FER: variants seen among roughly 807,000 people sequenced by gnomAD.
The protein encoded by FER is tyrosine-protein kinase Fer.
A neutral mutation model predicts 111.0 loss-of-function variants in FER; 63 were observed. The observed-to-expected ratio is 0.57, with a 90% confidence interval of 0.46 to 0.70. FER has a LOEUF of 0.70. Among genes scored for constraint, FER ranks in the 30% least tolerant of loss-of-function variants. FER has a pLI of 0.00. For synonymous variants in FER, 327 were observed against 313.9 expected, an observed-to-expected ratio of 1.04 and a Z score of -0.44; for missense variants, 914 against 954.0, an observed-to-expected ratio of 0.96 and a Z score of 0.55.
At chr5:108,773,219 G>C (rs890857450) in intron 2 of FER, among the ~76,000 whole-genome samples, 1 of 152,116 alleles carries the variant, frequency 6.6e-6, no homozygotes, top group African/African-American at 2.4e-5. Context: ...GGTTACATGT[G>C]CAGGATGTGC....
At chr5:109,001,937 G>T (rs182334484) in intron 13 of FER, among the ~76,000 whole-genome samples, 1,657 of 152,148 alleles carry the variant, frequency 0.011, 32 homozygotes, top group African/African-American at 0.037. Flanking sequence ...GGGATGTGAA[G>T]GAGAACTACA....
At chr5:109,169,430 G>A (rs75593347) in intron 17 of FER, among the ~76,000 whole-genome samples, 3,997 of 152,078 alleles carry the variant, frequency 0.026, 199 homozygotes, top group African/African-American at 0.09. Context: ...TCTACACTGC[G>A]AGCAATCATA....
At chr5:108,762,757 T>A (rs1751902852) in intron 1 of FER, among the ~76,000 whole-genome samples, 1 of 152,182 alleles carries the variant, frequency 6.6e-6, no homozygotes, top group Admixed American at 6.5e-5. Flanking sequence ...CACACAGGCC[T>A]CCTTGTTTTT....
intron 16 of FER, among the ~76,000 whole-genome samples, chr5:109,085,453 G>A (rs979838031): frequency 5.5e-5 from 8 of 144,802 alleles, no homozygotes; most frequent in Non-Finnish European, 9.2e-5. Flanking sequence ...CAAATCTGGT[G>A]GATTTTTTTT....
At chr5:108,763,813 T>G (rs1240495417) in intron 1 of FER, among the ~76,000 whole-genome samples, 1 of 152,204 alleles carries the variant, frequency 6.6e-6, no homozygotes, top group Non-Finnish European at 1.5e-5. Context: ...TATATCTATT[T>G]ACATCTGAAC....
chr5:108,917,021 A>G (rs1752358665), intron 10 of FER, among the ~76,000 whole-genome samples: 1 of 152,144 alleles, frequency 6.6e-6, no homozygotes, highest in African/African-American at 2.4e-5. Flanking sequence ...TTTCATTCAT[A>G]TAATTGTCTT....
chr5:109,080,133 A>G (rs1205385086), intron 16 of FER, among the ~76,000 whole-genome samples: 1 of 152,150 alleles, frequency 6.6e-6, no homozygotes, highest in African/African-American at 2.4e-5. Context: ...CTTGCTCATT[A>G]AACTTATATG....
At chr5:108,813,301 C>A (rs1757952447) in intron 3 of FER, among the ~76,000 whole-genome samples, 1 of 152,080 alleles carries the variant, frequency 6.6e-6, no homozygotes, top group South Asian at 2.1e-4. Context: ...CCTCTGGCTG[C>A]ACTTAAGGTT....
At chr5:108,970,100 A>G (rs780699432) in intron 13 of FER, among the ~76,000 whole-genome samples, 1 of 148,506 alleles carries the variant, frequency 6.7e-6, no homozygotes, top group Admixed American at 6.6e-5. Context: ...AGGACACACA[A>G]ACTTGAGAGT....
At chr5:109,153,728 A>G (rs1343069766) in intron 17 of FER, among the ~76,000 whole-genome samples, 1 of 151,900 alleles carries the variant, frequency 6.6e-6, no homozygotes, top group Non-Finnish European at 1.5e-5. Context: ...GTTTACAGAT[A>G]AGGAAAATGA....
In FER at chr5:108,877,557, A is replaced by G. The variant is rs78497465; in HGVS notation, c.923+5345A>G. Among the ~76,000 whole-genome samples, 580 of 152,358 alleles carry G rather than the reference A, an allele frequency of 3.8e-3. 3 individuals are homozygous for G. The highest frequency in any genetic ancestry group is 0.012 in the African/African-American group (481 of 41,598). The stretch of plus-strand genomic sequence containing the variant: ...ATAGATTGTCATCCATAAAAATCCT[A>G]TGCTCTTGCAATTATATTTTAAGAA... On this transcript the variant is annotated intron_variant, in intron 8 of 19. Transcript: ENST00000281092.
chr5:108,909,059 A>G (rs573517962), intron 10 of FER, among the ~76,000 whole-genome samples: 4 of 152,334 alleles, frequency 2.6e-5, no homozygotes, highest in Non-Finnish European at 5.9e-5. Context: ...TTATGTTTGA[A>G]GATGTTCTAT....
chr5:109,128,724 A>C (rs1457673887), intron 17 of FER, among the ~76,000 whole-genome samples: 1 of 152,176 alleles, frequency 6.6e-6, no homozygotes, highest in Non-Finnish European at 1.5e-5. Flanking sequence ...TAATAAATAC[A>C]CATATTATGT....
chr5:108,924,766 A>C (rs1220191537), intron 10 of FER: 1 of 1,232,056 alleles, frequency 8.1e-7, no homozygotes, highest in South Asian at 4.1e-5. Context: ...TGAGCCTTCC[A>C]CATCAGAAGT....
intron 17 of FER, among the ~76,000 whole-genome samples, chr5:109,118,813 C>T (rs1020604880): frequency 6.6e-6 from 1 of 152,040 alleles, no homozygotes; most frequent in African/African-American, 2.4e-5. Flanking sequence ...ATAGTATTCT[C>T]TGATGGTAGT....
chr5:108,993,628 C>CGAGGGG (rs1763602417), intron 13 of FER, among the ~76,000 whole-genome samples: 1 of 111,514 alleles, frequency 9.0e-6, no homozygotes, highest in African/African-American at 3.5e-5. Flanking sequence ...AGGGCGAGGG[C>CGAGGGG]GAGGGTGAGG....
chr5:109,120,017 A>G, intron 17 of FER, among the ~76,000 whole-genome samples: 1 of 151,958 alleles, frequency 6.6e-6, no homozygotes, highest in East Asian at 1.9e-4. Context: ...TCTGTATTCT[A>G]GTTATTAACC....
chr5:109,151,678 A>G (rs1367184379), intron 17 of FER, among the ~76,000 whole-genome samples: 2 of 152,162 alleles, frequency 1.3e-5, no homozygotes, highest in Non-Finnish European at 2.9e-5. Context: ...ATACATCACA[A>G]GACCTGCGGT....
At chr5:108,942,817 C>T (rs1190764632) in intron 10 of FER, among the ~76,000 whole-genome samples, 3 of 151,934 alleles carry the variant, frequency 2.0e-5, no homozygotes, top group Non-Finnish European at 4.4e-5. Flanking sequence ...AGTTATTTCT[C>T]ACAAAATCCC....
Sources: gnomAD v4.1 joint callset for allele counts (sites outside exome capture counted in the v4.1 genomes callset) on GRCh38, gnomAD v4.1.1 for gene constraint, MANE v1.5 for transcripts, NCBI Gene and HGNC (gene_info 2026-07-23, HGNC 2026-07-21) for gene names.